RBPJ: variants seen among roughly 807,000 people sequenced by gnomAD.
RBPJ encodes the protein recombining binding protein suppressor of hairless.
In RBPJ, 9 loss-of-function variants were observed where a neutral mutation model predicts 67.8. The observed-to-expected ratio is 0.13, with a 90% CI of 0.08 to 0.23. The LOEUF is 0.23. Among genes scored for constraint, RBPJ ranks in the 10% least tolerant of loss-of-function variants. The pLI is 1.00. For missense variants in RBPJ, 305 were observed against 595.6 expected (o/e 0.51, Z 5.08); for synonymous variants, 198 against 203.3 (o/e 0.97, Z 0.22).
At chr4:26,370,250 T>C (rs1729024969) in intron 1 of RBPJ, among the ~76,000 whole-genome samples, 1 of 152,334 alleles carries the variant, frequency 6.6e-6, no homozygotes, top group South Asian at 2.1e-4. Flanking sequence ...CCCTTTCAAC[T>C]TGATTTTTGT....
chr4:26,123,017 C>T, the RBPJ span, among the ~76,000 whole-genome samples: 24 of 152,260 alleles, frequency 1.6e-4, no homozygotes, highest in African/African-American at 5.5e-4. Context: ...CTCTCAGGAA[C>T]AGATTGGGCA....
chr4:26,396,980 T>G (rs1194275103), intron 2 of RBPJ, among the ~76,000 whole-genome samples: 1 of 152,176 alleles, frequency 6.6e-6, no homozygotes, highest in Non-Finnish European at 1.5e-5. Flanking sequence ...ATTGTCATTT[T>G]CAAAACTGGT....
At chr4:26,335,444 T>G (rs1438753296) in intron 1 of RBPJ, among the ~76,000 whole-genome samples, 1 of 151,820 alleles carries the variant, frequency 6.6e-6, no homozygotes, top group Non-Finnish European at 1.5e-5. Flanking sequence ...CCTCCCAAAG[T>G]GCTGGGATTA....
chr4:26,140,757 G>T, the RBPJ span, among the ~76,000 whole-genome samples: 139 of 151,132 alleles, frequency 9.2e-4, no homozygotes, highest in Non-Finnish European at 1.8e-3. Context: ...CTGGGCCAAG[G>T]ACCGCTCCTG....
At chr4:26,255,248 C>CA (rs1217647287) in intron 1 of RBPJ, among the ~76,000 whole-genome samples, 7 of 136,114 alleles carry the variant, frequency 5.1e-5, no homozygotes, top group African/African-American at 1.8e-4. Context: ...ACTAAAAATA[C>CA]AAAAAATGAG....
intron 1 of RBPJ, among the ~76,000 whole-genome samples, chr4:26,197,937 C>G (rs150247252): frequency 2.8e-4 from 43 of 152,248 alleles, no homozygotes; most frequent in African/African-American, 9.6e-4. Context: ...CCATATATTA[C>G]TTTGTGTAAT....
chr4:26,278,289 A>C (rs1458253258), intron 1 of RBPJ, among the ~76,000 whole-genome samples: 1 of 152,224 alleles, frequency 6.6e-6, no homozygotes, highest in Non-Finnish European at 1.5e-5. Flanking sequence ...AAAGATTTTA[A>C]TTTATTAATT....
the RBPJ span, among the ~76,000 whole-genome samples, chr4:26,132,024 G>C: frequency 6.6e-6 from 1 of 152,018 alleles, no homozygotes; most frequent in African/African-American, 2.4e-5. Flanking sequence ...TTCACAACTG[G>C]TACACCTGGA....
At chr4:26,219,460 G>A (rs1037481603) in intron 1 of RBPJ, among the ~76,000 whole-genome samples, 3 of 152,152 alleles carry the variant, frequency 2.0e-5, no homozygotes, top group Admixed American at 1.3e-4. Flanking sequence ...TGGGGTAGAG[G>A]GATAAGAGTT....
intron 1 of RBPJ, among the ~76,000 whole-genome samples, chr4:26,202,005 T>C (rs1717995646): frequency 6.6e-6 from 1 of 152,188 alleles, no homozygotes; most frequent in Non-Finnish European, 1.5e-5. Flanking sequence ...GATTTCTCCC[T>C]TTTCCCCAAA....
intron 2 of RBPJ, among the ~76,000 whole-genome samples, chr4:26,404,829 C>T (rs1175888099): frequency 6.6e-6 from 1 of 152,162 alleles, no homozygotes; most frequent in African/African-American, 2.4e-5. Context: ...TTTCCTCCTC[C>T]CACTTCCTGT....
At chr4:26,189,720 A>G (rs1010875376) in intron 1 of RBPJ, among the ~76,000 whole-genome samples, 22 of 152,240 alleles carry the variant, frequency 1.4e-4, no homozygotes, top group Non-Finnish European at 2.5e-4. Flanking sequence ...ATAAAATCTC[A>G]TGGAATAGTA....
chr4:26,420,492 A>C, intron 4 of RBPJ, 59 bp from the exon 5 acceptor site: 1 of 1,211,212 alleles, frequency 8.3e-7, no homozygotes, highest in Non-Finnish European at 1.1e-6. Context: ...TCTGAGTTTT[A>C]GGTACTACAT....
chr4:26,369,174 T>C (rs1728914523), intron 1 of RBPJ, among the ~76,000 whole-genome samples: 1 of 152,206 alleles, frequency 6.6e-6, no homozygotes. Flanking sequence ...CATACTCTTA[T>C]TTACCAACCT....
At chr4:26,258,458 C>A (rs1720418039) in intron 1 of RBPJ, among the ~76,000 whole-genome samples, 1 of 152,220 alleles carries the variant, frequency 6.6e-6, no homozygotes, top group Admixed American at 6.5e-5. Context: ...ATCAGTCCAT[C>A]TCAAAGTTTA....
chr4:26,107,533 G>A, the RBPJ span, among the ~76,000 whole-genome samples: 1 of 152,234 alleles, frequency 6.6e-6, no homozygotes, highest in African/African-American at 2.4e-5. Context: ...AGCGTAGCTT[G>A]TTATAGAAAA....
chr4:26,320,533 C>G (rs1722905383), upstream of RBPJ: 2 of 510,118 alleles, frequency 3.9e-6, no homozygotes, highest in South Asian at 2.9e-5. Context: ...AGCTGGGAAC[C>G]CAGAGTGAGC....
chr4:26,369,164 C>CAT (rs1471063645), intron 1 of RBPJ, among the ~76,000 whole-genome samples: 3 of 152,190 alleles, frequency 2.0e-5, no homozygotes, highest in Non-Finnish European at 2.9e-5. Flanking sequence ...CAGAACAGGT[C>CAT]ATACTCTTAT....
chr4:26,315,165 AAAAT>A (rs1198937819), upstream of RBPJ, among the ~76,000 whole-genome samples: 4 of 102,194 alleles, frequency 3.9e-5, no homozygotes, highest in South Asian at 2.8e-4. Flanking sequence ...AAAAAAAAAA[AAAAT>A]ATATATATAT....
Sources: allele counts gnomAD v4.1 joint callset (sites outside exome capture counted in the v4.1 genomes callset), GRCh38; gene constraint gnomAD v4.1.1; transcripts MANE v1.5; gene names NCBI Gene and HGNC (gene_info 2026-07-23, HGNC 2026-07-21).